Variants in ASIC2 observed in about 807,000 individuals in gnomAD.
The protein encoded by ASIC2 is acid-sensing ion channel 2.
A neutral mutation model predicts 57.3 loss-of-function variants in ASIC2; 25 were observed. That is an observed-to-expected ratio of 0.44 (90% CI 0.32 to 0.61). The LOEUF is 0.61. Ranked by LOEUF, ASIC2 falls within the 20% of genes least tolerant of loss-of-function variation. The pLI, the probability that ASIC2 is intolerant of heterozygous loss-of-function variation, is 0.06. For synonymous variants in ASIC2, 319 were observed against 307.5 expected (o/e 1.04, Z -0.39); for missense variants, 641 against 738.1 (o/e 0.87, Z 1.52).
intron 1 of ASIC2, among the ~76,000 whole-genome samples, chr17:34,061,401 A>G (rs1389320478): frequency 1.3e-5 from 2 of 152,226 alleles, no homozygotes; most frequent in East Asian, 3.8e-4. Context: ...ATCTCTTCAA[A>G]GCATAAATCA....
intron 1 of ASIC2, among the ~76,000 whole-genome samples, chr17:33,414,016 C>T (rs1910751492): frequency 6.6e-6 from 1 of 152,168 alleles, no homozygotes; most frequent in Non-Finnish European, 1.5e-5. Flanking sequence ...GAGACCTTCA[C>T]TCCCAGACAT....
At chr17:33,610,054 G>GCGCACACACACACA (rs375575593) in intron 1 of ASIC2, among the ~76,000 whole-genome samples, 286 of 144,836 alleles carry the variant, frequency 2.0e-3, no homozygotes, top group African/African-American at 6.7e-3. Context: ...GGACAGAGGC[G>GCGCACACACACACA]CACACACACA....
chr17:33,937,127 A>G (rs147497613), intron 1 of ASIC2, among the ~76,000 whole-genome samples: 62 of 152,304 alleles, frequency 4.1e-4, no homozygotes, highest in Non-Finnish European at 1.0e-4. Flanking sequence ...TTGGAGATGA[A>G]GTCTCACTCT....
At chr17:33,211,254 T>C (rs953497732) in intron 1 of ASIC2, among the ~76,000 whole-genome samples, 1 of 152,080 alleles carries the variant, frequency 6.6e-6, no homozygotes. Context: ...CAGCTGTGTA[T>C]TGGACCCAGC....
chr17:33,620,888 C>T (rs1227981450), intron 1 of ASIC2, among the ~76,000 whole-genome samples: 1 of 152,044 alleles, frequency 6.6e-6, no homozygotes, highest in Non-Finnish European at 1.5e-5. Context: ...CCAGCCCCCA[C>T]AGCCTCTCCA....
At chr17:33,557,406 T>A (rs1360756001) in intron 1 of ASIC2, among the ~76,000 whole-genome samples, 1 of 152,220 alleles carries the variant, frequency 6.6e-6, no homozygotes, top group African/African-American at 2.4e-5. Context: ...AAGTGCAATG[T>A]TAACAGTCAA....
chr17:33,961,195 A>G (rs1904909231), intron 1 of ASIC2, among the ~76,000 whole-genome samples: 1 of 152,240 alleles, frequency 6.6e-6, no homozygotes, highest in African/African-American at 2.4e-5. Flanking sequence ...CTAGAAAAAG[A>G]ATCTTTAAAG....
At chr17:33,898,380 C>A (rs750201172) in intron 1 of ASIC2, among the ~76,000 whole-genome samples, 2 of 151,672 alleles carry the variant, frequency 1.3e-5, no homozygotes, top group African/African-American at 2.4e-5. Flanking sequence ...GGACTACAGG[C>A]GGATGCCACT....
chr17:33,699,944 AT>A (rs1346194895), intron 1 of ASIC2, among the ~76,000 whole-genome samples: 2 of 152,200 alleles, frequency 1.3e-5, no homozygotes, highest in Non-Finnish European at 2.9e-5. Context: ...AGACTTCTGG[AT>A]AAAGTATCGT....
intron 1 of ASIC2, among the ~76,000 whole-genome samples, chr17:33,681,299 T>C (rs1013614016): frequency 6.6e-6 from 1 of 152,206 alleles, no homozygotes; most frequent in African/African-American, 2.4e-5. Flanking sequence ...GGCTGGATAA[T>C]TCTTTGTTGT....
intron 1 of ASIC2, among the ~76,000 whole-genome samples, chr17:33,455,971 G>A (rs1381331676): frequency 1.3e-5 from 2 of 152,212 alleles, no homozygotes; most frequent in Non-Finnish European, 2.9e-5. Flanking sequence ...GCTCAGAGAG[G>A]TGAGGTGCCC....
At chr17:33,241,072 C>T (rs116091701) in intron 1 of ASIC2, among the ~76,000 whole-genome samples, 135 of 152,236 alleles carry the variant, frequency 8.9e-4, no homozygotes, top group African/African-American at 3.3e-3. Context: ...ACACTGAAGC[C>T]CAGGCAGCAT....
intron 1 of ASIC2, among the ~76,000 whole-genome samples, chr17:33,144,408 A>G (rs563273810): frequency 1.3e-5 from 2 of 152,198 alleles, no homozygotes; most frequent in Admixed American, 1.3e-4. Context: ...TGTGAGCAGT[A>G]AAAGCAAAAG....
At chr17:33,197,821 G>T (rs973947694) in intron 1 of ASIC2, among the ~76,000 whole-genome samples, 1 of 152,152 alleles carries the variant, frequency 6.6e-6, no homozygotes, top group Non-Finnish European at 1.5e-5. Context: ...TTCAAACCGG[G>T]CTTTGTAGTC....
chr17:34,006,720 C>T (rs1356237207), intron 1 of ASIC2: 1 of 152,016 alleles, frequency 6.6e-6, no homozygotes, highest in Non-Finnish European at 1.5e-5. Flanking sequence ...TCAGAGTAGA[C>T]CTCTAAGACA....
chr17:34,063,612 T>C (rs1909051165), intron 1 of ASIC2, among the ~76,000 whole-genome samples: 1 of 152,070 alleles, frequency 6.6e-6, no homozygotes, highest in Admixed American at 6.6e-5. Flanking sequence ...TCGTTTACCT[T>C]GAAAACCCTA....
intron 1 of ASIC2, among the ~76,000 whole-genome samples, chr17:34,054,271 C>T (rs988291999): frequency 1.3e-5 from 2 of 152,234 alleles, no homozygotes; most frequent in African/African-American, 2.4e-5. Flanking sequence ...TCACTCAAGA[C>T]ATCTATGAGC....
At chr17:33,049,538 T>G (rs932481477) in intron 3 of ASIC2, among the ~76,000 whole-genome samples, 1 of 152,196 alleles carries the variant, frequency 6.6e-6, no homozygotes, top group Non-Finnish European at 1.5e-5. Flanking sequence ...CAGTTGGAGT[T>G]GTTACCTTAG....
chr17:33,397,544 A>C lies in ASIC2; in HGVS notation c.556-285477T>G, dbSNP rs1280647966. Among the ~76,000 whole-genome samples the C allele has an allele frequency of 3.3e-5, 5 of 152,220 alleles. No individual in the cohort carries two copies. The East Asian group carries it at 9.6e-4, about 29-fold the overall frequency. On this transcript the variant is annotated intron_variant, in intron 1 of 9. Transcript: ENST00000359872. ...TGGTGGCAGGATTAGGAAACTTAGA[A>C]GAATGATATAGACATGTGAGGGGAG...
Sources: allele counts gnomAD v4.1 joint callset (sites outside exome capture counted in the v4.1 genomes callset), GRCh38; gene constraint gnomAD v4.1.1; transcripts MANE v1.5; gene names NCBI Gene and HGNC (gene_info 2026-07-23, HGNC 2026-07-21).